Variants in ABCB9 observed in about 807,000 individuals in gnomAD.
The protein encoded by ABCB9 is ATP binding cassette subfamily B member 9.
Under a neutral mutation model 62.0 loss-of-function variants are expected in ABCB9, and 36 were observed. The observed-to-expected ratio is 0.58, with a 90% confidence interval of 0.45 to 0.77. The LOEUF (loss-of-function observed/expected upper bound fraction) is 0.77. ABCB9 is among the 30% of genes least tolerant of loss of function. ABCB9 has a pLI of 0.00. For missense variants in ABCB9, 943 were observed against 1,054.7 expected (o/e 0.89, Z 1.47); for synonymous variants, 435 against 461.4 (o/e 0.94, Z 0.73).
Position 122,946,021 on chromosome 12 carries a change from G to A in ABCB9, c.1251+4C>T, listed in dbSNP as rs762454294. ...GCCAGAGCTGCCTGGCCAGGGGCACGTACCCCGCTGCCCCAGACGTAGTAC... is the reference window on the plus strand; with the variant it reads ...GCCAGAGCTGCCTGGCCAGGGGCACATACCCCGCTGCCCCAGACGTAGTAC... On this transcript the variant is annotated splice_donor_region_variant and intron_variant, in intron 6 of 11. Transcript: ENST00000280560. The A allele has an allele frequency of 2.1e-5, 34 of 1,612,850 alleles. No individual in the cohort carries two copies. Among genetic ancestry groups the A allele is most frequent in the African/African-American group, 5.3e-5 (4 of 74,868 alleles).
chr12:122,923,381 G>A (rs1466591679), intron 11 of ABCB9, among the ~76,000 whole-genome samples: 1 of 152,138 alleles, frequency 6.6e-6, no homozygotes, highest in South Asian at 2.1e-4. Context: ...TCCGCCTCCC[G>A]GGTTCACGCC....
At chr12:122,966,658 G>A (rs1184142580), upstream of ABCB9, 1 of 152,348 alleles carries the variant, frequency 6.6e-6, no homozygotes, top group Non-Finnish European at 1.5e-5. Flanking sequence ...CCTCCTGGGG[G>A]CGGGGCCACA....
chr12:122,963,478 T>G (rs983046096), intron 1 of ABCB9, among the ~76,000 whole-genome samples: 3 of 152,114 alleles, frequency 2.0e-5, no homozygotes, highest in African/African-American at 7.3e-5. Context: ...GTCCTATCAT[T>G]ATCCCCATTT....
At chr12:122,970,273 A>C (rs1038541433), upstream of ABCB9, among the ~76,000 whole-genome samples, 1 of 150,950 alleles carries the variant, frequency 6.6e-6, no homozygotes, top group African/African-American at 2.4e-5. Context: ...TTTGAGATGA[A>C]CTCTTGCTCT....
chr12:122,935,206 T>C, intron 10 of ABCB9, 66 bp downstream of exon 10: 1 of 1,489,184 alleles, frequency 6.7e-7, no homozygotes, highest in Non-Finnish European at 9.0e-7. Context: ...AGTGCTTAAC[T>C]CAGAGGGTTA....
chr12:122,965,845 C>T (rs1405462427), intron 1 of ABCB9, among the ~76,000 whole-genome samples: 1 of 152,152 alleles, frequency 6.6e-6, no homozygotes, highest in Non-Finnish European at 1.5e-5. Context: ...GCTGAGGAGA[C>T]TGAGAAAAGG....
chr12:122,949,054 G>A (rs762056706), intron 4 of ABCB9: 7 of 403,184 alleles, frequency 1.7e-5, no homozygotes, highest in Non-Finnish European at 2.7e-5. Flanking sequence ...GCTGTACAGC[G>A]GAGGAGGCTG....
At chr12:122,955,868 T>G (rs55896792) in intron 2 of ABCB9, among the ~76,000 whole-genome samples, 2,345 of 152,176 alleles carry the variant, frequency 0.015, 66 homozygotes, top group African/African-American at 0.053. Context: ...GCTGCCACCA[T>G]GCCCAGCTAA....
chr12:122,935,857 C>A (rs1219497583), intron 9 of ABCB9, among the ~76,000 whole-genome samples: 4 of 152,144 alleles, frequency 2.6e-5, no homozygotes, highest in Non-Finnish European at 5.9e-5. Flanking sequence ...TCTAAGAGAA[C>A]AATTTAAAGG....
At chr12:122,943,381 A>G (rs1236142683) in intron 7 of ABCB9, among the ~76,000 whole-genome samples, 1 of 152,220 alleles carries the variant, frequency 6.6e-6, no homozygotes, top group Non-Finnish European at 1.5e-5. Context: ...TGCGGAAACC[A>G]AAATCAAGAC....
rs1045900146 is a variant in ABCB9, at chr12:122,940,348, A to G, written c.1570-64T>C. On this transcript the variant is annotated intron_variant, in intron 8 of 11. Transcript: ENST00000280560. The surrounding 1 kb of genome is among the most constrained non-coding windows in gnomAD (Gnocchi z 4.8). ...TCAGGTCCCAGGACTGGATGCCCTG[A>G]CCTTGGACACAGGTGGGTGCCCTTC... 19 of 1,504,102 alleles carry G rather than the reference A, an allele frequency of 1.3e-5. No homozygotes were observed. Among genetic ancestry groups the G allele is most frequent in the Middle Eastern group, 2.5e-4 (1 of 4,072 alleles). 93.2% of individuals were successfully genotyped at this position (1,504,102 alleles called of 1,614,324 possible). A position where few individuals can be genotyped will look rare whatever the true frequency, so the allele number is the denominator to read the frequency against.
chr12:122,972,037 CTTTTTT>C (rs57112984), intron 1 of ABCB9, among the ~76,000 whole-genome samples: 2 of 99,268 alleles, frequency 2.0e-5, no homozygotes, highest in African/African-American at 4.1e-5. Flanking sequence ...TTCATAATGT[CTTTTTT>C]TTTTTTTTTT....
At chr12:122,945,966 TCC>T in intron 6 of ABCB9, 57 bp downstream of exon 6, 1 of 1,563,890 alleles carries the variant, frequency 6.4e-7, no homozygotes, top group South Asian at 1.1e-5. Flanking sequence ...ATCGAGGGCT[TCC>T]CCCATCTTTG....
At chr12:122,961,658 G>A (rs2036915003) in intron 1 of ABCB9, among the ~76,000 whole-genome samples, 1 of 152,182 alleles carries the variant, frequency 6.6e-6, no homozygotes, top group Non-Finnish European at 1.5e-5. Flanking sequence ...CCTTGGGAAG[G>A]CAGCAAGGCC....
chr12:122,936,100 GTTAA>G (rs1238936321), intron 9 of ABCB9, among the ~76,000 whole-genome samples: 1 of 152,168 alleles, frequency 6.6e-6, no homozygotes, highest in African/African-American at 2.4e-5. Flanking sequence ...AGTAGCAAAA[GTTAA>G]TTAGTTAATT....
chr12:122,926,800 T>C (rs1362230939), downstream of ABCB9, among the ~76,000 whole-genome samples: 1 of 151,896 alleles, frequency 6.6e-6, no homozygotes, highest in Non-Finnish European at 1.5e-5. Context: ...CTCTGAAGGC[T>C]GAGGTGGGAG....
chr12:122,923,323 TG>T (rs2034797160), intron 11 of ABCB9, among the ~76,000 whole-genome samples: 1 of 152,218 alleles, frequency 6.6e-6, no homozygotes, highest in Non-Finnish European at 1.5e-5. Flanking sequence ...AGTCTCGCTC[TG>T]TCGCCCAGGC....
At chr12:122,943,521 GTTTTC>G (rs1263409771) in intron 7 of ABCB9, among the ~76,000 whole-genome samples, 2 of 152,146 alleles carry the variant, frequency 1.3e-5, no homozygotes, top group Non-Finnish European at 2.9e-5. Flanking sequence ...CTCAGGTTCA[GTTTTC>G]TTTTCATCAC....
rs1286766702 is a variant in ABCB9, at chr12:122,940,116, G to A, written c.1738C>T (p.Arg580Cys). ...GCCCAGGCCCGTGCACATACCACAC[G>A]GTGCAAGTACTTGTGGTCGTAGGCG... ...ISAYDHKYLH[R>C]VISLVSQEPV... Residue 580 changes from arginine (R) to cysteine (C), a missense_variant, in exon 9 of 12, where the codon CGT (arginine) becomes TGT (cysteine). Transcript: ENST00000280560. This position sits in a 1 kb window ranked among gnomAD's most constrained non-coding sequence, Gnocchi z 4.8. The A allele has an allele frequency of 5.0e-6, 8 of 1,610,542 alleles. No homozygotes were observed. The Admixed American group carries it at 6.7e-5, about 14-fold the overall frequency.
Sources: allele counts gnomAD v4.1 joint callset (sites outside exome capture counted in the v4.1 genomes callset), GRCh38; gene constraint gnomAD v4.1.1; non-coding constraint Gnocchi (gnomAD v3.1); transcripts MANE v1.5; gene names NCBI Gene and HGNC (gene_info 2026-07-23, HGNC 2026-07-21).